NDUFV3: variants seen among roughly 807,000 people sequenced by gnomAD.
The protein encoded by NDUFV3 is NADH dehydrogenase [ubiquinone] flavoprotein 3, mitochondrial.
NDUFV3 carries 44 observed loss-of-function variants against 37.5 expected under a neutral mutation model. That is an observed-to-expected ratio of 1.17 (90% CI 0.92 to 1.51). The LOEUF (loss-of-function observed/expected upper bound fraction) is 1.51. Ranked by LOEUF, NDUFV3 falls within the 40% of genes most tolerant of loss-of-function variation. The pLI, the probability that NDUFV3 is intolerant of heterozygous loss-of-function variation, is 0.00. For synonymous variants in NDUFV3, 235 were observed against 239.3 expected, an observed-to-expected ratio of 0.98 and a Z score of 0.17; for missense variants, 580 against 580.4, an observed-to-expected ratio of 1.00 and a Z score of 0.01.
rs1308344568 is a variant in NDUFV3, at chr21:42,912,614, C to T, written c.*3593C>T. The stretch of plus-strand genomic sequence containing the variant: ...TCTACTAAAAATACAAAAAATTGGC[C>T]AGGTGCGGTGGCTCACGCCTGTAAT... On this transcript the variant is annotated 3_prime_UTR_variant, in exon 4 of 4. Transcript: ENST00000354250. 1 of 151,712 alleles carries T rather than the reference C, an allele frequency of 6.6e-6. No homozygotes were observed. The highest frequency in any genetic ancestry group is 1.5e-5 in the Non-Finnish European group (1 of 68,080). 9.4% of individuals were successfully genotyped at this position (151,712 alleles called of 1,614,324 possible).
intron 3 of NDUFV3, among the ~76,000 whole-genome samples, chr21:42,907,958 T>C (rs993576575): frequency 6.6e-6 from 1 of 152,110 alleles, no homozygotes; most frequent in Non-Finnish European, 1.5e-5. Context: ...CTATAATTGT[T>C]CTAGGCATTT....
At chr21:42,906,463 G>A (rs1465199041) in intron 3 of NDUFV3, among the ~76,000 whole-genome samples, 1 of 152,032 alleles carries the variant, frequency 6.6e-6, no homozygotes, top group Non-Finnish European at 1.5e-5. Flanking sequence ...GCCAAGTGCC[G>A]GTGCTTGCCA....
rs771654287 is a variant in NDUFV3, at chr21:42,908,941, A to G, written c.1342A>G (p.Thr448Ala). 6.2e-7 allele frequency: 1 copy of G among 1,613,978 alleles called. No homozygotes were observed. The highest frequency in any genetic ancestry group is 8.5e-7 in the Non-Finnish European group (1 of 1,179,988). ...NLQHHDYSTY[T>A]FLDLNLELSK... ...GCAGCATCATGACTACAGCACGTAC[A>G]CCTTCTTAGACCTCAACCTCGAACT... The change falls in exon 4 of 4, where the codon ACC becomes GCC. Residue 448 changes from threonine to alanine, a missense_variant. Thr to Ala is a moderately conservative substitution (Grantham distance 58). Coordinates refer to ENST00000354250, the MANE Select transcript of NDUFV3 (RefSeq NM_021075.4).
chr21:42,897,732 A>T (rs748342183), intron 2 of NDUFV3, among the ~76,000 whole-genome samples: 6 of 151,372 alleles, frequency 4.0e-5, no homozygotes, highest in Non-Finnish European at 5.9e-5. Context: ...GCTGGAGTGC[A>T]GTGGCGCAAT....
At chr21:42,906,928 A>C (rs2058744710) in intron 3 of NDUFV3, 1 of 510,122 alleles carries the variant, frequency 2.0e-6, no homozygotes. Flanking sequence ...TGCTTAACGT[A>C]ACTTAAAAAT....
At position 42,909,034 on chromosome 21, in the gene NDUFV3, T is replaced by C. The variant is rs1408089987; in HGVS notation, c.*13T>C. ...ACCTCGACACTGAGGGCCCTCGGTG[T>C]GAAGATGAACCTTCCACCGTCTTCA... On this transcript the variant is annotated 3_prime_UTR_variant, in exon 4 of 4. Coordinates refer to ENST00000354250, the MANE Select transcript of NDUFV3 (RefSeq NM_021075.4). 6.2e-7 allele frequency: 1 copy of C among 1,612,202 alleles called. No homozygotes were observed.
chr21:42,903,390 G>T lies in NDUFV3; in HGVS notation c.378G>T (p.Gln126His). 1 of 1,614,232 alleles carries T rather than the reference G, an allele frequency of 6.2e-7. No homozygotes were observed. The highest frequency in any genetic ancestry group is 8.5e-7 in the Non-Finnish European group (1 of 1,180,048). Residue 126 changes from glutamine to histidine, a missense_variant, in exon 3 of 4, where the codon CAG becomes CAT. Transcript: ENST00000354250. ...LSRKTLVEFP[Q>H]KVLSPFRKQG... ...GAAAGACTTTGGTAGAGTTTCCACAGAAAGTTCTGTCTCCATTCAGAAAAC... is the reference window on the plus strand; with the variant it reads ...GAAAGACTTTGGTAGAGTTTCCACATAAAGTTCTGTCTCCATTCAGAAAAC...
chr21:42,908,945 T>C lies in NDUFV3; in HGVS notation c.1346T>C (p.Phe449Ser), dbSNP rs2058754813. The C allele has an allele frequency of 1.9e-6, 3 of 1,613,978 alleles. No homozygotes were observed. Among genetic ancestry groups the C allele is most frequent in the Non-Finnish European group, 2.5e-6 (3 of 1,179,960 alleles). ...CATCATGACTACAGCACGTACACCT[T>C]CTTAGACCTCAACCTCGAACTCTCA... is the stretch of plus-strand genomic sequence containing the variant. ...LQHHDYSTYTFLDLNLELSKF... is the reference protein window; with the variant it reads ...LQHHDYSTYTSLDLNLELSKF... Residue 449 changes from phenylalanine (F) to serine (S), a missense_variant, in exon 4 of 4, where the codon TTC becomes TCC. Coordinates refer to ENST00000354250, the MANE Select transcript of NDUFV3 (RefSeq NM_021075.4).
rs114225578 is a variant in NDUFV3 at position 42,904,262 on chromosome 21, G to A, written c.1250G>A (p.Arg417Gln). ...MEDAAAPGDD[R>Q]GGTQEPAPVP... ...GATGCAGCCGCGCCAGGGGACGACC[G>A]AGGCGGCACACAGGGTATACCTTGA... Residue 417 changes from arginine to glutamine, a missense_variant, in exon 3 of 4, where the codon CGA becomes CAA. By Grantham distance (43) the Arg-to-Gln change is conservative. Coordinates refer to ENST00000354250, the MANE Select transcript of NDUFV3 (RefSeq NM_021075.4). The A allele has an allele frequency of 1.1e-3, 1,821 of 1,599,224 alleles. 16 individuals are homozygous for A. In the African/African-American group the frequency reaches 0.021, roughly 19 times the overall value.
In NDUFV3 at chr21:42,912,392, T is replaced by C. The variant is rs2058774205; in HGVS notation, c.*3371T>C. ...TTTTGTAGCTATCACTGCAGATGAT[T>C]TCTTGATAGTCCATCTGGTGGCAAT... On this transcript the variant is annotated 3_prime_UTR_variant, in exon 4 of 4. Transcript: ENST00000354250. 6.6e-6 allele frequency: 1 copy of C among 152,224 alleles called. No individual in the cohort carries two copies. Among genetic ancestry groups the C allele is most frequent in the African/African-American group, 2.4e-5 (1 of 41,434 alleles). 9.4% of individuals were successfully genotyped at this position (152,224 alleles called of 1,614,324 possible). A position where few individuals can be genotyped will look rare whatever the true frequency, so the allele number is the denominator to read the frequency against.
chr21:42,893,382 G>T lies in NDUFV3; in HGVS notation c.48+1G>T, dbSNP rs1396244930. On this transcript the variant is annotated splice_donor_variant, in intron 1 of 3. Coordinates refer to ENST00000354250, the MANE Select transcript of NDUFV3 (RefSeq NM_021075.4). LOFTEE classifies it high-confidence loss of function. ...GCAAGGACGAGCCGGGGCGCTGAAGGTAAAGGAGGAGCCAGCCTGGGCTGG... is the reference window on the plus strand; with the variant it reads ...GCAAGGACGAGCCGGGGCGCTGAAGTTAAAGGAGGAGCCAGCCTGGGCTGG... The T allele has an allele frequency of 1.3e-6, 2 of 1,537,380 alleles. No homozygotes were observed. The highest frequency in any genetic ancestry group is 1.7e-6 in the Non-Finnish European group (2 of 1,146,392).
At chr21:42,906,395 C>T (rs771392556) in intron 3 of NDUFV3, among the ~76,000 whole-genome samples, 10 of 152,104 alleles carry the variant, frequency 6.6e-5, no homozygotes, top group African/African-American at 1.4e-4. Context: ...GTTCTTGGTT[C>T]GTTGTGCGAC....
intron 2 of NDUFV3, among the ~76,000 whole-genome samples, chr21:42,901,460 G>A (rs2058717498): frequency 6.6e-6 from 1 of 151,550 alleles, no homozygotes. Flanking sequence ...AATTACCCAG[G>A]CGTGGTGGCA....
intron 1 of NDUFV3, among the ~76,000 whole-genome samples, chr21:42,894,421 T>A (rs9325614): frequency 1.1e-4 from 5 of 46,768 alleles, no homozygotes; most frequent in African/African-American, 4.6e-4. Flanking sequence ...ATATAATATA[T>A]TATATAAATA....
chr21:42,896,091 C>T (rs1388763475), intron 1 of NDUFV3, among the ~76,000 whole-genome samples: 2 of 148,230 alleles, frequency 1.3e-5, no homozygotes, highest in South Asian at 2.2e-4. Flanking sequence ...CTAAGCAATT[C>T]TCCTGCCTCA....
At chr21:42,894,510 T>TTATATATTATATATAATATATA (rs1568854374) in intron 1 of NDUFV3, among the ~76,000 whole-genome samples, 15 of 63,898 alleles carry the variant, frequency 2.3e-4, no homozygotes, top group African/African-American at 1.1e-3. Flanking sequence ...ATAATATATA[T>TTATATATTATATATAATATATA]TTATATATTA....
rs1568853118 is a variant in NDUFV3, at chr21:42,893,435, A to G, written c.48+54A>G. 2.2e-5 allele frequency: 33 copies of G among 1,527,526 alleles called. No individual in the cohort carries two copies. In the South Asian group the frequency reaches 3.5e-4, roughly 16 times the overall value. 94.6% of individuals were successfully genotyped at this position (1,527,526 alleles called of 1,614,324 possible). On this transcript the variant is annotated intron_variant, in intron 1 of 3. Coordinates refer to ENST00000354250, the MANE Select transcript of NDUFV3 (RefSeq NM_021075.4). ...GCGCGGCCCCGAGCCTACGTAGGGG[A>G]TGGGGTGAGGGGGCGCGGTGCTGGT...
At chr21:42,899,485 G>A (rs1054202358) in intron 2 of NDUFV3, among the ~76,000 whole-genome samples, 1 of 151,194 alleles carries the variant, frequency 6.6e-6, no homozygotes, top group African/African-American at 2.4e-5. Context: ...TCACTCTGTC[G>A]CCAGGCTAGA....
rs749048453 is a variant in NDUFV3 at position 42,907,448 on chromosome 21, A to AT, written c.1265-1395dup. 7.4e-3 allele frequency among the ~76,000 whole-genome samples: 918 copies of AT among 123,298 alleles called. 7 individuals carry two copies. The highest frequency in any genetic ancestry group is 0.01 in the African/African-American group (318 of 30,550). 80.9% of individuals were successfully genotyped at this position (123,298 alleles called of 152,430 possible). On this transcript the variant is annotated intron_variant, in intron 3 of 3. Coordinates refer to ENST00000354250, the MANE Select transcript of NDUFV3 (RefSeq NM_021075.4). ...ACAGGTGTGCCACCATGCCCTACTA[A>AT]TTTTTTTTTTTTTTTTTTTTTGAGA...
Sources: allele counts gnomAD v4.1 joint callset (sites outside exome capture counted in the v4.1 genomes callset), GRCh38; gene constraint gnomAD v4.1.1; transcripts MANE v1.5; gene names NCBI Gene and HGNC (gene_info 2026-07-23, HGNC 2026-07-21).